Variants in EIF3L observed in about 807,000 individuals in gnomAD.
EIF3L encodes the protein eIEF associated protein HSPC021.
A neutral mutation model predicts 74.6 loss-of-function variants in EIF3L; 32 were observed. The observed-to-expected ratio is 0.43, with a 90% confidence interval of 0.32 to 0.58. The LOEUF is 0.58. Among genes scored for constraint, EIF3L ranks in the 20% least tolerant of loss-of-function variants. The pLI is 0.06. For missense variants in EIF3L, 474 were observed against 707.8 expected (o/e 0.67, Z 3.75); for synonymous variants, 256 against 254.4 (o/e 1.01, Z -0.06).
chr22:37,868,720 G>A (rs182918230), intron 7 of EIF3L, among the ~76,000 whole-genome samples: 3 of 133,296 alleles, frequency 2.3e-5, no homozygotes, highest in Non-Finnish European at 3.1e-5. Context: ...TTGGCTCACC[G>A]CAACCTCTGC....
At chr22:37,859,914 A>G (rs1925764344) in intron 5 of EIF3L, among the ~76,000 whole-genome samples, 1 of 152,088 alleles carries the variant, frequency 6.6e-6, no homozygotes, top group Non-Finnish European at 1.5e-5. Context: ...TGGAAGGCTG[A>G]GGCAGGAGAA....
chr22:37,873,048 G>A (rs1926557640), intron 8 of EIF3L, among the ~76,000 whole-genome samples: 1 of 151,850 alleles, frequency 6.6e-6, no homozygotes, highest in Non-Finnish European at 1.5e-5. Context: ...GAGTGCAGTG[G>A]CACAATCTCT....
At chr22:37,884,792 C>A (rs1400848470) in intron 11 of EIF3L, 1 of 151,462 alleles carries the variant, frequency 6.6e-6, no homozygotes, top group African/African-American at 2.4e-5. Context: ...GATCTTACCA[C>A]TGCAGTGCAG....
chr22:37,862,665 C>T (rs963081524), intron 5 of EIF3L, among the ~76,000 whole-genome samples: 3 of 152,160 alleles, frequency 2.0e-5, no homozygotes, highest in Non-Finnish European at 2.9e-5. Flanking sequence ...TTAACTTCTT[C>T]GCCTTTGCTA....
At chr22:37,878,421 A>T (rs1410287165) in intron 11 of EIF3L, 5 of 266,928 alleles carry the variant, frequency 1.9e-5, no homozygotes, top group African/African-American at 3.2e-5. Context: ...CTCTATTAAA[A>T]AAAAAAAAAA....
At chr22:37,854,730 G>A (rs1250157971) in intron 3 of EIF3L, among the ~76,000 whole-genome samples, 1 of 152,228 alleles carries the variant, frequency 6.6e-6, no homozygotes, top group Non-Finnish European at 1.5e-5. Context: ...GCCTCCCAAA[G>A]TGTTGAGATT....
chr22:37,865,060 C>A (rs1235376755), intron 7 of EIF3L, among the ~76,000 whole-genome samples: 1 of 152,144 alleles, frequency 6.6e-6, no homozygotes, highest in African/African-American at 2.4e-5. Flanking sequence ...TCTTATTTAG[C>A]CCAGTCCTTC....
chr22:37,864,752 TG>T (rs1254220273), intron 7 of EIF3L, among the ~76,000 whole-genome samples: 1 of 152,170 alleles, frequency 6.6e-6, no homozygotes, highest in African/African-American at 2.4e-5. Flanking sequence ...TTGACCAGGC[TG>T]GTCTCGAACT....
chr22:37,876,216 A>G lies in EIF3L; in HGVS notation c.1077+205A>G, dbSNP rs144938639. The G allele has an allele frequency of 4.0e-3, 2,035 of 515,116 alleles. 6 individuals carry two copies. The highest frequency in any genetic ancestry group is 0.013 in the African/African-American group (652 of 51,262). 31.9% of individuals were successfully genotyped at this position (515,116 alleles called of 1,614,324 possible). On this transcript the variant is annotated intron_variant, in intron 10 of 12. Transcript: ENST00000652021. Reference sequence around the variant, plus strand: ...GCAGTCACAGCTCACGTCAGCCTCAACCTCCTGGGATCAGGCGATCATCCT... The same window carrying G: ...GCAGTCACAGCTCACGTCAGCCTCAGCCTCCTGGGATCAGGCGATCATCCT...
At chr22:37,849,724 C>A in intron 1 of EIF3L, 2 of 604,646 alleles carry the variant, frequency 3.3e-6, no homozygotes, top group Non-Finnish European at 5.8e-6. Context: ...GCCTGTTAGA[C>A]GTTTCTGTGT....
At position 37,864,564 on chromosome 22, in the gene EIF3L, A is replaced by C. The variant is rs182299707; in HGVS notation, c.579+1219A>C. On this transcript the variant is annotated intron_variant, in intron 7 of 12. Transcript: ENST00000652021. ...GCTTTTTTTTTTTTTTTGGAGATGG[A>C]GTCTGACTCTGTTACCCAGGCTGGA... 4.2e-3 allele frequency among the ~76,000 whole-genome samples: 576 copies of C among 137,800 alleles called. 3 individuals are homozygous for C. The highest frequency in any genetic ancestry group is 0.015 in the African/African-American group (550 of 36,078). 90.4% of individuals were successfully genotyped at this position (137,800 alleles called of 152,430 possible). A position where few individuals can be genotyped will look rare whatever the true frequency, so the allele number is the denominator to read the frequency against.
intron 4 of EIF3L, 83 bp downstream of exon 4, chr22:37,855,727 G>T: frequency 3.2e-6 from 4 of 1,232,948 alleles, no homozygotes; most frequent in Non-Finnish European, 4.6e-6. Context: ...GAGGGTCTGT[G>T]TCTGTTTTGC....
At chr22:37,860,738 TATC>T (rs943294079) in intron 5 of EIF3L, among the ~76,000 whole-genome samples, 2 of 152,194 alleles carry the variant, frequency 1.3e-5, no homozygotes, top group African/African-American at 4.8e-5. Flanking sequence ...TTGAAGTCAT[TATC>T]ATCTCTTCCC....
chr22:37,850,308 C>G (rs1392633168), intron 2 of EIF3L, among the ~76,000 whole-genome samples: 1 of 152,048 alleles, frequency 6.6e-6, no homozygotes, highest in Non-Finnish European at 1.5e-5. Context: ...AACTATTAGC[C>G]AAATAAGAAA....
chr22:37,881,961 G>A (rs1927072683), intron 11 of EIF3L: 1 of 152,160 alleles, frequency 6.6e-6, no homozygotes, highest in Non-Finnish European at 1.5e-5. Context: ...GAGCCCAGGA[G>A]TTCAAGACCA....
chr22:37,877,540 G>A, intron 10 of EIF3L, 134 bp from the exon 11 acceptor site: 1 of 1,059,122 alleles, frequency 9.4e-7, no homozygotes, highest in South Asian at 1.6e-5. Flanking sequence ...GAGATGTTGG[G>A]GAAGTTCAAT....
chr22:37,870,810 GTTC>G (rs1173210680), intron 8 of EIF3L, among the ~76,000 whole-genome samples: 1 of 152,080 alleles, frequency 6.6e-6, no homozygotes, highest in East Asian at 1.9e-4. Flanking sequence ...GTTGCAATGT[GTTC>G]TTTTGTTTGA....
intron 7 of EIF3L, among the ~76,000 whole-genome samples, chr22:37,865,026 C>T (rs976284621): frequency 2.6e-5 from 4 of 152,186 alleles, no homozygotes; most frequent in African/African-American, 9.7e-5. Context: ...TGATGATGTT[C>T]AATGTCATCA....
At chr22:37,862,912 G>C in intron 5 of EIF3L, 57 bp from the exon 6 acceptor site, 1 of 1,338,100 alleles carries the variant, frequency 7.5e-7, no homozygotes, top group Non-Finnish European at 1.1e-6. Context: ...GTATACCATG[G>C]GTAAAACACA....
Sources: allele counts gnomAD v4.1 joint callset (sites outside exome capture counted in the v4.1 genomes callset), GRCh38; gene constraint gnomAD v4.1.1; transcripts MANE v1.5; gene names NCBI Gene and HGNC (gene_info 2026-07-23, HGNC 2026-07-21).